CENPP: variants seen among roughly 807,000 people sequenced by gnomAD.
CENPP encodes the protein centromere protein P.
Under a neutral mutation model 35.6 loss-of-function variants are expected in CENPP, and 24 were observed. The observed-to-expected ratio is 0.67, with a 90% confidence interval of 0.49 to 0.95. CENPP has a LOEUF of 0.95. CENPP is among the 40% of genes least tolerant of loss of function. CENPP has a pLI of 0.00. For missense variants in CENPP, 332 were observed against 345.3 expected, an observed-to-expected ratio of 0.96 and a Z score of 0.31; for synonymous variants, 120 against 125.5, an observed-to-expected ratio of 0.96 and a Z score of 0.29.
At chr9:92,511,897 A>G in intron 5 of CENPP, 1 of 694,532 alleles carries the variant, frequency 1.4e-6, no homozygotes, top group Non-Finnish European at 2.4e-6. Flanking sequence ...AAACTTTCTT[A>G]GAAGAAGACT....
chr9:92,513,156 A>G (rs1380610740), intron 5 of CENPP, among the ~76,000 whole-genome samples: 1 of 152,106 alleles, frequency 6.6e-6, no homozygotes, highest in Non-Finnish European at 1.5e-5. Context: ...CCAGCACCCA[A>G]AGTGTCCCCA....
At chr9:92,395,227 G>T (rs1184373520) in intron 5 of CENPP, among the ~76,000 whole-genome samples, 1 of 152,140 alleles carries the variant, frequency 6.6e-6, no homozygotes, top group Non-Finnish European at 1.5e-5. Flanking sequence ...AGCAATGACT[G>T]ACCTGCTTTT....
intron 4 of CENPP, among the ~76,000 whole-genome samples, chr9:92,372,166 A>G (rs1842027029): frequency 9.6e-6 from 1 of 104,638 alleles, no homozygotes; most frequent in Non-Finnish European, 1.8e-5. Flanking sequence ...TTTAGCTGAT[A>G]TAAGTATAGC....
At chr9:92,464,812 A>C in intron 5 of CENPP, 1 of 847,652 alleles carries the variant, frequency 1.2e-6, no homozygotes, top group Non-Finnish European at 2.0e-6. Context: ...ACTGGTGCAA[A>C]GATTTCTAGT....
At chr9:92,435,330 AT>A (rs757797208) in intron 5 of CENPP, among the ~76,000 whole-genome samples, 2 of 152,152 alleles carry the variant, frequency 1.3e-5, no homozygotes, top group Non-Finnish European at 2.9e-5. Context: ...TACTGCAATC[AT>A]TTACTTTTTA....
intron 2 of CENPP, among the ~76,000 whole-genome samples, chr9:92,336,950 G>T (rs1403256641): frequency 6.6e-6 from 1 of 152,096 alleles, no homozygotes; most frequent in African/African-American, 2.4e-5. Flanking sequence ...AAAAAGCATT[G>T]AACAGTTAAC....
rs1383678874 is a variant in CENPP, at chr9:92,618,118, G to A, written c.*4969G>A. 1 of 411,642 alleles carries A rather than the reference G, an allele frequency of 2.4e-6. No individual in the cohort carries two copies. The highest frequency in any genetic ancestry group is 1.7e-5 in the South Asian group (1 of 58,640). 25.5% of individuals were successfully genotyped at this position (411,642 alleles called of 1,614,324 possible). On this transcript the variant is annotated 3_prime_UTR_variant, in exon 8 of 8. Coordinates refer to ENST00000375587, the MANE Select transcript of CENPP (RefSeq NM_001012267.3). ...CTGGAACTTCACAGGTGCGGCCACT[G>A]CGCACACCTTCCTGGAAGCAGGCCC... is the stretch of plus-strand genomic sequence containing the variant.
intron 5 of CENPP, among the ~76,000 whole-genome samples, chr9:92,468,990 A>G (rs2131067382): frequency 6.6e-6 from 1 of 152,362 alleles, no homozygotes; most frequent in Non-Finnish European, 1.5e-5. Flanking sequence ...CCCCAGTATT[A>G]AATATGCCAT....
intron 4 of CENPP, among the ~76,000 whole-genome samples, chr9:92,352,867 C>A (rs1443023751): frequency 2.6e-5 from 4 of 151,894 alleles, no homozygotes. Context: ...ACAGACGCAC[C>A]CAGGATTAAT....
At position 92,345,691 on chromosome 9, in the gene CENPP, T is replaced by C. The variant is rs1183144225; in HGVS notation, c.379-8T>C. On this transcript the variant is annotated splice_polypyrimidine_tract_variant and splice_region_variant and intron_variant, in intron 3 of 7. Transcript: ENST00000375587. Reference sequence around the variant, plus strand: ...GCTTTGATACAGAAATTTTTATCTTTATTTTAGAATAAGGAGAGATTATCT... The same window carrying C: ...GCTTTGATACAGAAATTTTTATCTTCATTTTAGAATAAGGAGAGATTATCT... The C allele has an allele frequency of 6.7e-7, 1 of 1,499,244 alleles. No individual in the cohort carries two copies. Among genetic ancestry groups the C allele is most frequent in the Non-Finnish European group, 9.2e-7 (1 of 1,086,738 alleles). 92.9% of individuals were successfully genotyped at this position (1,499,244 alleles called of 1,614,324 possible). A position where few individuals can be genotyped will look rare whatever the true frequency, so the allele number is the denominator to read the frequency against.
At position 92,390,587 on chromosome 9, in the gene CENPP, T is replaced by TGTGTGTGTGC. The variant is rs749697394; in HGVS notation, c.564+10729_564+10730insTGTGTGTGCG. ...CAGTGTGTGTGTGTGTGTGTGTGTG[T>TGTGTGTGTGC]GCGCGCGCGCGTACTTGCGTGTGCA... is the stretch of plus-strand genomic sequence containing the variant. On this transcript the variant is annotated intron_variant, in intron 5 of 7. Transcript: ENST00000375587. Among the ~76,000 whole-genome samples the TGTGTGTGTGC allele has an allele frequency of 3.8e-3, 537 of 141,896 alleles. 1 individual carries two copies. Among genetic ancestry groups the TGTGTGTGTGC allele is most frequent in the African/African-American group, 0.012 (504 of 40,436 alleles). The allele number at this position is 141,896 out of a possible 152,430, so 93.1% of individuals were successfully genotyped here. A position where few individuals can be genotyped will look rare whatever the true frequency, so the allele number is the denominator to read the frequency against.
At chr9:92,401,104 T>C in intron 5 of CENPP, 1 of 1,462,344 alleles carries the variant, frequency 6.8e-7, no homozygotes, top group Non-Finnish European at 9.6e-7. Context: ...TCATTTTCTT[T>C]CTTGGGAGGT....
intron 5 of CENPP, among the ~76,000 whole-genome samples, chr9:92,553,354 T>C (rs1216559485): frequency 1.3e-5 from 2 of 152,218 alleles, no homozygotes; most frequent in African/African-American, 4.8e-5. Flanking sequence ...TCTCCAGATT[T>C]GTTCTTTTTG....
chr9:92,559,245 GT>G (rs1849795886), intron 5 of CENPP, among the ~76,000 whole-genome samples: 1 of 152,174 alleles, frequency 6.6e-6, no homozygotes, highest in African/African-American at 2.4e-5. Flanking sequence ...GATCCCTGTG[GT>G]GTCAGGCAGG....
At chr9:92,497,095 C>G (rs1292425568) in intron 5 of CENPP, among the ~76,000 whole-genome samples, 1 of 152,138 alleles carries the variant, frequency 6.6e-6, no homozygotes, top group Non-Finnish European at 1.5e-5. Flanking sequence ...ACCCTTTGCA[C>G]TCTGCATTCC....
At chr9:92,560,583 A>G (rs762385188) in intron 5 of CENPP, among the ~76,000 whole-genome samples, 1 of 152,184 alleles carries the variant, frequency 6.6e-6, no homozygotes, top group Non-Finnish European at 1.5e-5. Context: ...GGCAGTTTAT[A>G]TAATCTTAAT....
intron 4 of CENPP, among the ~76,000 whole-genome samples, chr9:92,373,686 C>T (rs1300424529): frequency 2.6e-5 from 4 of 151,918 alleles, no homozygotes; most frequent in African/African-American, 9.7e-5. Flanking sequence ...TTTAGCTGGG[C>T]GTGGTGGTGC....
intron 4 of CENPP, among the ~76,000 whole-genome samples, chr9:92,358,863 C>A (rs1459299306): frequency 6.6e-6 from 1 of 151,442 alleles, no homozygotes; most frequent in East Asian, 1.9e-4. Flanking sequence ...GATCTACCAT[C>A]AGATTTTTTT....
chr9:92,342,276 C>T (rs1841145311), intron 3 of CENPP, among the ~76,000 whole-genome samples: 1 of 152,212 alleles, frequency 6.6e-6, no homozygotes, highest in Admixed American at 6.5e-5. Flanking sequence ...GGCCATATGG[C>T]CAGTGAAAAA....
Sources: gnomAD v4.1 joint callset for allele counts (sites outside exome capture counted in the v4.1 genomes callset) on GRCh38, gnomAD v4.1.1 for gene constraint, MANE v1.5 for transcripts, NCBI Gene and HGNC (gene_info 2026-07-23, HGNC 2026-07-21) for gene names.